Variants in SLC17A1 observed in about 807,000 individuals in gnomAD.
SLC17A1 encodes the protein solute carrier family 17 member 1.
Under a neutral mutation model 53.5 loss-of-function variants are expected in SLC17A1, and 51 were observed. The ratio of observed to expected loss-of-function variants is 0.95; its 90% CI spans 0.76 to 1.20. SLC17A1 has a LOEUF of 1.20. Ranked by LOEUF, SLC17A1 falls within the 50% of genes most tolerant of loss-of-function variation. The pLI is 0.00. For synonymous variants in SLC17A1, 179 were observed against 198.8 expected (o/e 0.90, Z 0.84); for missense variants, 538 against 568.2 (o/e 0.95, Z 0.54).
chr6:25,811,657 C>T lies in SLC17A1; in HGVS notation c.1011G>A (p.Arg337=). The T allele has an allele frequency of 6.2e-7, 1 of 1,613,892 alleles. No individual in the cohort carries two copies. Among genetic ancestry groups the T allele is most frequent in the South Asian group, 1.1e-5 (1 of 91,054 alleles). The change falls in exon 9 of 13, where the codon CGG becomes CGA. Residue 337 remains arginine, a synonymous_variant. Coordinates refer to ENST00000244527, the MANE Select transcript of SLC17A1 (RefSeq NM_005074.5). ...GCTTACCTGCTGCTGTGAAGAGTTTCCGGACAGCAATTACGCTGAGAATAT... is the reference window on the plus strand; with the variant it reads ...GCTTACCTGCTGCTGTGAAGAGTTTTCGGACAGCAATTACGCTGAGAATAT... ...TRNILSVIAV[R]KLFTAAGFLL... is the part of the protein sequence containing the mutation.
At chr6:25,811,937 A>G (rs770114409) in intron 8 of SLC17A1, among the ~76,000 whole-genome samples, 167 bp from the exon 9 acceptor site, 3 of 152,248 alleles carry the variant, frequency 2.0e-5, no homozygotes, top group Non-Finnish European at 4.4e-5. Context: ...CCCAAAAGAA[A>G]GAGAAAAATA....
chr6:25,726,939 A>G, the SLC17A1 span: 123 of 1,613,910 alleles, frequency 7.6e-5, no homozygotes, highest in Admixed American at 4.3e-4. Flanking sequence ...AGGTGCTACC[A>G]TTTCCAAGAA....
the SLC17A1 span, among the ~76,000 whole-genome samples, chr6:25,773,897 T>G: frequency 1.3e-5 from 2 of 152,174 alleles, no homozygotes; most frequent in African/African-American, 4.8e-5. Context: ...AGTTTGATTT[T>G]CATACACTAT....
chr6:25,753,288 C>G, the SLC17A1 span, among the ~76,000 whole-genome samples: 2 of 152,152 alleles, frequency 1.3e-5, no homozygotes, highest in African/African-American at 4.8e-5. Context: ...GAGGGAAGGA[C>G]AGCAGGGCAG....
the SLC17A1 span, among the ~76,000 whole-genome samples, chr6:25,741,952 T>C: frequency 1.6e-4 from 24 of 152,278 alleles, no homozygotes; most frequent in African/African-American, 5.5e-4. Context: ...ATGGACTCCC[T>C]GTGACAAACT....
At position 25,826,555 on chromosome 6, in the gene SLC17A1, G is replaced by A. The variant is rs147069707; in HGVS notation, c.113C>T (p.Ala38Val). The A allele has an allele frequency of 1.8e-4, 295 of 1,611,908 alleles. No homozygotes were observed. The Middle Eastern group carries it at 3.8e-3, about 21-fold the overall frequency. The change falls in exon 3 of 13, where the codon GCG (alanine) becomes GTG (valine). Residue 38 changes from alanine (A) to valine (V), a missense_variant. Transcript: ENST00000244527. ...CCNVIITAQR[A>V]CLNLTMVVMV... ...GACTACCATTGTGAGGTTCAGGCAC[G>A]CACGCTGTGCTGTTATTATAACATT...
intron 12 of SLC17A1, among the ~76,000 whole-genome samples, chr6:25,791,263 G>T (rs1461180741): frequency 6.6e-6 from 1 of 152,004 alleles, no homozygotes; most frequent in African/African-American, 2.4e-5. Context: ...TTTAAATAAG[G>T]TCCACTGATT....
At chr6:25,819,042 C>G in intron 6 of SLC17A1, 26 bp downstream of exon 6, 2 of 1,476,750 alleles carry the variant, frequency 1.4e-6, no homozygotes, top group Non-Finnish European at 1.8e-6. Context: ...TGAATAATAA[C>G]TAGGATTTTA....
the SLC17A1 span, among the ~76,000 whole-genome samples, chr6:25,767,554 AG>A: frequency 6.6e-6 from 1 of 152,194 alleles, no homozygotes; most frequent in Non-Finnish European, 1.5e-5. Context: ...GTCTGATTCT[AG>A]GATTAAAATA....
chr6:25,742,278 C>T, the SLC17A1 span, among the ~76,000 whole-genome samples: 5 of 152,272 alleles, frequency 3.3e-5, no homozygotes, highest in East Asian at 9.6e-4. Context: ...AACTAAGTTA[C>T]ATTGACTGAT....
At chr6:25,754,626 T>G in the SLC17A1 span, 1 of 152,108 alleles carries the variant, frequency 6.6e-6, no homozygotes, top group Non-Finnish European at 1.5e-5. Context: ...AATGTAAAGT[T>G]AAAAATTAAA....
chr6:25,731,858 C>G, the SLC17A1 span: 2 of 1,602,854 alleles, frequency 1.2e-6, no homozygotes, highest in Non-Finnish European at 1.7e-6. Flanking sequence ...CCCCAGGCAG[C>G]AGCAGGCGCA....
chr6:25,779,331 A>C, downstream of SLC17A1: 1 of 1,160,408 alleles, frequency 8.6e-7, no homozygotes, highest in Non-Finnish European at 1.2e-6. Flanking sequence ...CATGCCTGGA[A>C]ATTTTACAGG....
the SLC17A1 span, among the ~76,000 whole-genome samples, chr6:25,723,983 C>T: frequency 1.5e-4 from 23 of 152,176 alleles, no homozygotes; most frequent in East Asian, 3.1e-3. Flanking sequence ...GAAATACAAA[C>T]CAGTACGAAT....
the SLC17A1 span, chr6:25,777,009 CA>C: frequency 6.4e-7 from 1 of 1,555,556 alleles, no homozygotes; most frequent in Non-Finnish European, 8.7e-7. Flanking sequence ...TCAAGTCTAG[CA>C]GCCCTAAATC....
chr6:25,738,600 C>T, the SLC17A1 span, among the ~76,000 whole-genome samples: 894 of 152,142 alleles, frequency 5.9e-3, 9 homozygotes, highest in African/African-American at 0.02. Context: ...AAACGACAGG[C>T]TGCAGACTTA....
At chr6:25,732,824 T>A in the SLC17A1 span, 12 of 475,262 alleles carry the variant, frequency 2.5e-5, no homozygotes, top group Non-Finnish European at 4.4e-5. Flanking sequence ...CCAGTATGAA[T>A]AACCACCCAA....
intron 12 of SLC17A1, among the ~76,000 whole-genome samples, chr6:25,787,041 G>GAAATAAATAAATAAATAAAT (rs3034353): frequency 4.0e-5 from 6 of 149,352 alleles, no homozygotes; most frequent in African/African-American, 1.2e-4. Flanking sequence ...GCTTAACAAG[G>GAAATAAATAAATAAATAAAT]AAATAAATAA....
chr6:25,775,190 G>A, the SLC17A1 span, among the ~76,000 whole-genome samples: 1 of 151,912 alleles, frequency 6.6e-6, no homozygotes, highest in Non-Finnish European at 1.5e-5. Context: ...AAATTAGCCA[G>A]GTGTTGTGGC....
Sources: allele counts gnomAD v4.1 joint callset (sites outside exome capture counted in the v4.1 genomes callset), GRCh38; gene constraint gnomAD v4.1.1; transcripts MANE v1.5; gene names NCBI Gene and HGNC (gene_info 2026-07-23, HGNC 2026-07-21).